Variants in SOX5 observed in about 807,000 individuals in gnomAD.
SOX5 encodes transcription factor SOX-5.
Under a neutral mutation model 92.0 loss-of-function variants are expected in SOX5, and 9 were observed. That is an observed-to-expected ratio of 0.10 (90% confidence interval 0.06 to 0.17). The LOEUF is 0.17. SOX5 is among the 10% of genes least tolerant of loss of function. The probability of loss-of-function intolerance (pLI) is 1.00; values close to 1 mark genes in which losing one functional copy is unlikely to be tolerated. For synonymous variants in SOX5, 344 were observed against 336.3 expected (o/e 1.02, Z -0.25); for missense variants, 642 against 944.5 (o/e 0.68, Z 4.20).
chr12:23,772,157 T>C (rs539534665), intron 3 of SOX5, among the ~76,000 whole-genome samples: 1 of 152,362 alleles, frequency 6.6e-6, no homozygotes, highest in South Asian at 2.1e-4. Context: ...AATGAACACC[T>C]TCCAATTCAA....
At chr12:24,023,722 T>A (rs1954568736) in intron 4 of SOX5, among the ~76,000 whole-genome samples, 1 of 152,108 alleles carries the variant, frequency 6.6e-6, no homozygotes, top group East Asian at 1.9e-4. Flanking sequence ...TTAAATGTCA[T>A]ATGCTCAGCT....
intron 7 of SOX5, among the ~76,000 whole-genome samples, chr12:23,664,320 A>AGCAT (rs1295261743): frequency 4.5e-5 from 5 of 112,298 alleles, no homozygotes; most frequent in African/African-American, 1.8e-4. Context: ...ACAATTCATT[A>AGCAT]ACATATATAT....
intron 3 of SOX5, among the ~76,000 whole-genome samples, chr12:23,783,411 A>T (rs2095320469): frequency 6.6e-6 from 1 of 152,234 alleles, no homozygotes; most frequent in African/African-American, 2.4e-5. Flanking sequence ...TAATCAAATG[A>T]TAATTTTGTT....
chr12:23,958,063 G>A (rs1175828324), intron 4 of SOX5, among the ~76,000 whole-genome samples: 1 of 151,838 alleles, frequency 6.6e-6, no homozygotes, highest in Non-Finnish European at 1.5e-5. Context: ...TCAAAGTGTA[G>A]ACTAGAAAAC....
intron 3 of SOX5, among the ~76,000 whole-genome samples, chr12:24,253,657 G>A (rs1029847583): frequency 2.0e-5 from 3 of 152,222 alleles, no homozygotes; most frequent in South Asian, 2.1e-4. Context: ...GGAATGTGGC[G>A]CACATTGTAA....
At chr12:24,376,589 C>A (rs948142246) in intron 1 of SOX5, among the ~76,000 whole-genome samples, 1 of 145,992 alleles carries the variant, frequency 6.8e-6, no homozygotes, top group African/African-American at 2.5e-5. Flanking sequence ...TAAAAGCAAA[C>A]ATTTAGATAT....
At chr12:23,732,457 T>C (rs1044633044) in intron 6 of SOX5, among the ~76,000 whole-genome samples, 2 of 127,696 alleles carry the variant, frequency 1.6e-5, no homozygotes, top group Admixed American at 1.7e-4. Context: ...TTTTCGTTAA[T>C]GAATATACTG....
At chr12:24,306,121 A>G (rs1166265570) in intron 2 of SOX5, among the ~76,000 whole-genome samples, 1 of 152,170 alleles carries the variant, frequency 6.6e-6, no homozygotes, top group African/African-American at 2.4e-5. Flanking sequence ...ACTGAGTCCC[A>G]CACCCATAGA....
At chr12:24,550,229 G>A (rs912737371) in intron 1 of SOX5, among the ~76,000 whole-genome samples, 2 of 152,168 alleles carry the variant, frequency 1.3e-5, no homozygotes, top group Non-Finnish European at 2.9e-5. Context: ...CAACATCAGT[G>A]TCAACTGTGC....
chr12:23,977,895 G>A (rs1177534554), intron 4 of SOX5, among the ~76,000 whole-genome samples: 1 of 152,090 alleles, frequency 6.6e-6, no homozygotes, highest in Non-Finnish European at 1.5e-5. Context: ...GCTTTTGTTC[G>A]CTGGCCTGGT....
chr12:24,309,694 C>T lies in SOX5; in HGVS notation c.-173-32382G>A, dbSNP rs572970790. ...TTTCTTCCTTTGCTTTCTTGTGGTA[C>T]ATATATACTATAAAAATATGAAAAG... On this transcript the variant is annotated intron_variant, in intron 2 of 4. Coordinates refer to the SOX5 transcript ENST00000446891. Among the ~76,000 whole-genome samples the T allele has an allele frequency of 4.4e-4, 67 of 151,900 alleles. 1 individual carries two copies. The highest frequency in any genetic ancestry group is 1.5e-3 in the African/African-American group (61 of 41,400).
intron 8 of SOX5, among the ~76,000 whole-genome samples, chr12:23,605,380 C>T (rs2075113130): frequency 6.6e-6 from 1 of 150,462 alleles, no homozygotes; most frequent in South Asian, 2.1e-4. Context: ...ATTTTCCTTT[C>T]ACAACTTTGT....
rs368024708 is a variant in SOX5, at chr12:23,949,535, A to G, written c.38+29T>C. ...TGTAAAATGGGAGAGTTGTACTTCA[A>G]TATATTAGGGGGAAAAAACTGTACT... On this transcript the variant is annotated intron_variant, in intron 1 of 14. Coordinates refer to ENST00000451604, the MANE Select transcript of SOX5 (RefSeq NM_006940.6). 20 of 1,612,960 alleles carry G rather than the reference A, an allele frequency of 1.2e-5. No homozygotes were observed. In the East Asian group the frequency reaches 2.7e-4, roughly 22 times the overall value.
intron 1 of SOX5, among the ~76,000 whole-genome samples, chr12:24,417,910 T>A (rs1965294666): frequency 6.6e-6 from 1 of 152,204 alleles, no homozygotes; most frequent in Admixed American, 6.5e-5. Flanking sequence ...AGTTTAATCA[T>A]ATTTCACAGA....
intron 4 of SOX5, among the ~76,000 whole-genome samples, chr12:24,079,930 G>A (rs567672816): frequency 3.9e-5 from 6 of 151,922 alleles, no homozygotes; most frequent in African/African-American, 7.2e-5. Context: ...TTAAGATAGC[G>A]TAATTATTCC....
At chr12:24,385,345 A>C (rs1958269629) in intron 1 of SOX5, among the ~76,000 whole-genome samples, 1 of 152,214 alleles carries the variant, frequency 6.6e-6, no homozygotes, top group Admixed American at 6.5e-5. Flanking sequence ...CTGTAGGTTA[A>C]TGTAAGTTTT....
upstream of SOX5, among the ~76,000 whole-genome samples, chr12:23,955,704 C>G (rs1186292731): frequency 6.6e-6 from 1 of 151,886 alleles, no homozygotes; most frequent in South Asian, 2.1e-4. Flanking sequence ...AATGATGTAA[C>G]TCAATCACCC....
chr12:23,547,304 C>T (rs1943324979), intron 11 of SOX5, among the ~76,000 whole-genome samples: 2 of 152,042 alleles, frequency 1.3e-5, no homozygotes, highest in Non-Finnish European at 2.9e-5. Context: ...TGATGTAGTA[C>T]CAAACAGCAC....
intron 2 of SOX5, among the ~76,000 whole-genome samples, chr12:24,304,232 T>C (rs1038836110): frequency 1.3e-5 from 2 of 151,830 alleles, no homozygotes; most frequent in African/African-American, 4.8e-5. Context: ...CCAAGAAAAA[T>C]AGCAAGTAGG....
Sources: gnomAD v4.1 joint callset for allele counts (sites outside exome capture counted in the v4.1 genomes callset) on GRCh38, gnomAD v4.1.1 for gene constraint, MANE v1.5 for transcripts, NCBI Gene and HGNC (gene_info 2026-07-23, HGNC 2026-07-21) for gene names.